Variants in FGF13 observed in about 807,000 individuals in gnomAD.
FGF13 encodes the protein fibroblast growth factor homologous factor 2.
A neutral mutation model predicts 19.5 loss-of-function variants in FGF13; 2 were observed. The ratio of observed to expected loss-of-function variants is 0.10; its 90% confidence interval spans 0.04 to 0.32. The LOEUF (loss-of-function observed/expected upper bound fraction) is 0.32. Ranked by LOEUF, FGF13 falls within the 10% of genes least tolerant of loss-of-function variation. FGF13 has a pLI of 1.00. For missense variants in FGF13, 113 were observed against 192.7 expected (o/e 0.59, Z 2.45); for synonymous variants, 72 against 76.9 (o/e 0.94, Z 0.33).
chrX:139,033,873 A>T (rs761540666), intron 1 of FGF13, among the ~76,000 whole-genome samples: 29 of 111,702 alleles, frequency 2.6e-4, no homozygotes, highest in Non-Finnish European at 4.9e-4. Flanking sequence ...TCAGTTTGGG[A>T]TGAGCTGATT....
intron 1 of FGF13, among the ~76,000 whole-genome samples, chrX:139,154,329 G>C (rs2083960035): frequency 9.0e-6 from 1 of 111,446 alleles, no homozygotes; most frequent in African/African-American, 3.3e-5. Flanking sequence ...ATTATGTGCT[G>C]ATCACAAAGC....
intron 1 of FGF13, among the ~76,000 whole-genome samples, chrX:139,027,804 A>T (rs1431917006): frequency 8.9e-6 from 1 of 111,894 alleles, no homozygotes; most frequent in Admixed American, 9.5e-5. Context: ...CCAAAAAAAA[A>T]TGAAAGGAAA....
chrX:138,939,220 G>C (rs2091746725), intron 1 of FGF13, among the ~76,000 whole-genome samples: 1 of 111,615 alleles, frequency 9.0e-6, no homozygotes, highest in African/African-American at 3.3e-5. Context: ...CCTCCTGCTG[G>C]CATTGCCAAA....
chrX:139,076,344 G>T (rs1019016931), intron 1 of FGF13, among the ~76,000 whole-genome samples: 4 of 111,857 alleles, frequency 3.6e-5, no homozygotes, highest in African/African-American at 1.3e-4. Flanking sequence ...TGCAATCACT[G>T]GAGTAAATAC....
chrX:138,893,587 T>C (rs1374162931), intron 1 of FGF13, among the ~76,000 whole-genome samples: 2 of 110,698 alleles, frequency 1.8e-5, no homozygotes, highest in Middle Eastern at 4.6e-3. Context: ...CTGCAAGGAG[T>C]TGAGCTTTTT....
chrX:138,961,918 C>G (rs2091872766), intron 1 of FGF13, among the ~76,000 whole-genome samples: 1 of 111,597 alleles, frequency 9.0e-6, no homozygotes, highest in Non-Finnish European at 1.9e-5. Context: ...CATTACCATT[C>G]AGGACATAGG....
intron 1 of FGF13, among the ~76,000 whole-genome samples, chrX:138,942,853 T>TTTTG (rs1289872080): frequency 7.2e-5 from 8 of 111,720 alleles, no homozygotes; most frequent in African/African-American, 2.3e-4. Flanking sequence ...TTGTTGTTTT[T>TTTTG]TTTGTTTGTT....
At position 138,763,412 on chromosome X, in the gene FGF13, C is replaced by A. The variant is rs192964850; in HGVS notation, c.218-54484G>T. Among the ~76,000 whole-genome samples, 6 of 111,794 alleles carry A rather than the reference C, an allele frequency of 5.4e-5. No individual in the cohort carries two copies. In the East Asian group the frequency reaches 1.7e-3, roughly 32 times the overall value. On this transcript the variant is annotated intron_variant, in intron 3 of 6. Coordinates refer to the FGF13 transcript ENST00000436198. ...TTTGGGGACCGATAGAGAACACACT[C>A]CACAAGTGTTTGTAGTCCTTGCATT...
intron 3 of FGF13, among the ~76,000 whole-genome samples, chrX:138,748,425 G>A (rs1272051624): frequency 1.8e-5 from 2 of 111,199 alleles, no homozygotes; most frequent in African/African-American, 6.5e-5. Flanking sequence ...GAGAGGAAAG[G>A]CTATATATGA....
intron 3 of FGF13, among the ~76,000 whole-genome samples, chrX:138,655,035 C>T (rs1308675716): frequency 9.0e-6 from 1 of 111,518 alleles, no homozygotes. Context: ...GAAATGAATT[C>T]CAAGAGCTTA....
chrX:138,882,768 C>G (rs1786044184), intron 1 of FGF13, among the ~76,000 whole-genome samples: 1 of 111,748 alleles, frequency 8.9e-6, no homozygotes, highest in Non-Finnish European at 1.9e-5. Flanking sequence ...TTCAAACAAA[C>G]TCTTGCATGG....
intron 1 of FGF13, among the ~76,000 whole-genome samples, chrX:139,191,825 C>T (rs146028151): frequency 0.031 from 3,466 of 111,556 alleles, 123 homozygotes; most frequent in African/African-American, 0.11. Context: ...GTCCCACTCC[C>T]ACCCCCTTAT....
chrX:139,062,280 G>T lies in FGF13; in HGVS notation c.-113+141136C>A, dbSNP rs139927380. 5.7e-3 allele frequency among the ~76,000 whole-genome samples: 631 copies of T among 110,960 alleles called. 5 individuals are homozygous for T. The highest frequency in any genetic ancestry group is 0.019 in the African/African-American group (596 of 30,584). On this transcript the variant is annotated intron_variant, in intron 1 of 2. Transcript: ENST00000421460. Reference sequence around the variant, plus strand: ...GATCTTGTTTCATTTTTTTGCATGTGGATACCCAGTTTTCCCAACAACATT... The same window carrying T: ...GATCTTGTTTCATTTTTTTGCATGTTGATACCCAGTTTTCCCAACAACATT...
Position 139,033,338 on chromosome X carries a change from A to G in FGF13, c.-112-168688T>C, listed in dbSNP as rs144952284. 8.7e-3 allele frequency among the ~76,000 whole-genome samples: 979 copies of G among 112,203 alleles called. 10 individuals carry two copies. The highest frequency in any genetic ancestry group is 0.029 in the African/African-American group (902 of 30,915). On this transcript the variant is annotated intron_variant, in intron 1 of 2. Transcript: ENST00000421460. ...AAACTTTGCAAAAGAGGAAAGCCAG[A>G]AAGTTCACACTTATTCCATCCAATG...
intron 3 of FGF13, among the ~76,000 whole-genome samples, chrX:138,781,958 C>A (rs2090647291): frequency 8.9e-6 from 1 of 111,832 alleles, no homozygotes; most frequent in African/African-American, 3.3e-5. Context: ...AGCTTATCCA[C>A]CATGTTCAAG....
At chrX:138,877,049 C>A (rs2091393686) in intron 1 of FGF13, among the ~76,000 whole-genome samples, 1 of 111,553 alleles carries the variant, frequency 9.0e-6, no homozygotes, top group African/African-American at 3.3e-5. Flanking sequence ...TCACTTATAA[C>A]TGGGAGTTGA....
intron 1 of FGF13, among the ~76,000 whole-genome samples, chrX:138,984,642 GAGAAGAAGAAGAAGGAGA>G (rs2091985022): frequency 1.3e-5 from 1 of 74,086 alleles, no homozygotes; most frequent in Non-Finnish European, 2.6e-5. Flanking sequence ...GGAGGAGGAG[GAGAAGAAGAAGAAGGAGA>G]AGGAGGAGAA....
intron 3 of FGF13, among the ~76,000 whole-genome samples, chrX:138,745,273 G>A (rs1369876238): frequency 8.9e-6 from 1 of 112,035 alleles, no homozygotes; most frequent in Non-Finnish European, 1.9e-5. Context: ...TTAGTAGGAA[G>A]CCTTGTCCGA....
intron 3 of FGF13, among the ~76,000 whole-genome samples, chrX:138,829,156 TCA>T (rs1347156130): frequency 8.9e-6 from 1 of 111,879 alleles, no homozygotes; most frequent in Non-Finnish European, 1.9e-5. Context: ...TTTCTCTGTC[TCA>T]CACACACGTT....
Sources: allele counts gnomAD v4.1 joint callset (sites outside exome capture counted in the v4.1 genomes callset), GRCh38; gene constraint gnomAD v4.1.1; transcripts MANE v1.5; gene names NCBI Gene and HGNC (gene_info 2026-07-23, HGNC 2026-07-21).